The following C1QTNF3 variants were observed in gnomAD, a reference collection of about 807,000 sequenced individuals.
The protein encoded by C1QTNF3 is complement C1q tumor necrosis factor-related protein 3.
In C1QTNF3, 26 loss-of-function variants were observed where a neutral mutation model predicts 32.6. The ratio of observed to expected loss-of-function variants is 0.80; its 90% confidence interval spans 0.58 to 1.11. The LOEUF is 1.11. Ranked by LOEUF, C1QTNF3 falls within the 50% of genes least tolerant of loss-of-function variation. The pLI is 0.00. For missense variants in C1QTNF3, 362 were observed against 398.2 expected (o/e 0.91, Z 0.77); for synonymous variants, 155 against 146.0 (o/e 1.06, Z -0.44).
At chr5:34,239,628 C>CAACATGG in the C1QTNF3 span, among the ~76,000 whole-genome samples, 1 of 151,956 alleles carries the variant, frequency 6.6e-6, no homozygotes, top group Non-Finnish European at 1.5e-5. Context: ...ATGGAGCACC[C>CAACATGG]AGATTCATAA....
At chr5:34,076,979 G>C in the C1QTNF3 span, among the ~76,000 whole-genome samples, 1 of 151,670 alleles carries the variant, frequency 6.6e-6, no homozygotes, top group African/African-American at 2.4e-5. Context: ...CTTAAACAAG[G>C]GAAGGTGGCT....
chr5:34,189,054 CCCA>C, the C1QTNF3 span, among the ~76,000 whole-genome samples: 1 of 148,758 alleles, frequency 6.7e-6, no homozygotes, highest in Non-Finnish European at 1.5e-5. Flanking sequence ...CTCTCTCCTG[CCCA>C]CCATGTCTGA....
At chr5:34,147,420 T>C in the C1QTNF3 span, among the ~76,000 whole-genome samples, 1 of 152,190 alleles carries the variant, frequency 6.6e-6, no homozygotes, top group Non-Finnish European at 1.5e-5. Context: ...AGGTGCTCAT[T>C]AGTGGTGGTG....
chr5:34,035,699 G>A lies in C1QTNF3; in HGVS notation c.363C>T (p.Ser121=). 1 of 1,612,286 alleles carries A rather than the reference G, an allele frequency of 6.2e-7. No individual in the cohort carries two copies. The highest frequency in any genetic ancestry group is 8.5e-7 in the Non-Finnish European group (1 of 1,179,526). ...DCSKCCHGDY[S]FRGYQGPPGP... is the part of the protein sequence containing the mutation. ...CAGGGGGGCCTTGGTAGCCTCGAAAGCTGTAGTCTCCATGACAACACTTAC... is the reference window on the plus strand; with the variant it reads ...CAGGGGGGCCTTGGTAGCCTCGAAAACTGTAGTCTCCATGACAACACTTAC... Residue 121 remains serine (S), a synonymous_variant, in exon 2 of 6, where the codon AGC becomes AGT. Transcript: ENST00000382065.
chr5:34,020,823 C>T, intron 5 of C1QTNF3, 81 bp from the exon 6 acceptor site: 1 of 1,401,640 alleles, frequency 7.1e-7, no homozygotes, highest in Non-Finnish European at 9.9e-7. Context: ...CTCCCCTTCT[C>T]TCCTTCCCAC....
At chr5:34,209,857 T>G in the C1QTNF3 span, among the ~76,000 whole-genome samples, 1 of 152,108 alleles carries the variant, frequency 6.6e-6, no homozygotes, top group African/African-American at 2.4e-5. Flanking sequence ...TTTCCTAAAC[T>G]AACGATTTTA....
chr5:34,236,421 T>C, the C1QTNF3 span, among the ~76,000 whole-genome samples: 10 of 151,986 alleles, frequency 6.6e-5, no homozygotes, highest in Admixed American at 3.9e-4. Context: ...AAGAAGTGAC[T>C]CAACTGATTG....
At chr5:34,129,182 T>G in the C1QTNF3 span, among the ~76,000 whole-genome samples, 4 of 152,168 alleles carry the variant, frequency 2.6e-5, no homozygotes, top group Admixed American at 6.5e-5. Flanking sequence ...TTGCCATGAT[T>G]GTACATTTCC....
intron 1 of C1QTNF3, among the ~76,000 whole-genome samples, chr5:34,041,098 C>T (rs1005463211): frequency 3.9e-5 from 6 of 152,168 alleles, no homozygotes; most frequent in African/African-American, 2.4e-5. Flanking sequence ...AAGAAATACA[C>T]GGGAACTGAA....
chr5:34,239,765 T>C, the C1QTNF3 span, among the ~76,000 whole-genome samples: 1 of 152,002 alleles, frequency 6.6e-6, no homozygotes, highest in Non-Finnish European at 1.5e-5. Context: ...GTACTTAAAC[T>C]TCACACTTGA....
chr5:34,142,922 T>G, the C1QTNF3 span, among the ~76,000 whole-genome samples: 3 of 152,212 alleles, frequency 2.0e-5, no homozygotes, highest in African/African-American at 7.2e-5. Flanking sequence ...TGGTAATGGT[T>G]CTTAACCAGT....
At position 34,020,612 on chromosome 5, in the gene C1QTNF3, C is replaced by T; in HGVS notation, c.931G>A (p.Ala311Thr). The T allele has an allele frequency of 6.2e-7, 1 of 1,614,226 alleles. No homozygotes were observed. The highest frequency in any genetic ancestry group is 8.5e-7 in the Non-Finnish European group (1 of 1,180,034). ...HGDHQRFSTFAGFLLFETK is the reference protein window; with the variant it reads ...HGDHQRFSTFTGFLLFETK ...TTAGTTTCAAAGAGCAGGAATCCTG[C>T]AAAGGTGGAGAAGCGTTGGTGGTCC... The change falls in exon 6 of 6, where the codon GCA (alanine) becomes ACA (threonine). Residue 311 changes from alanine (A) to threonine (T), a missense_variant. Transcript: ENST00000382065.
the C1QTNF3 span, among the ~76,000 whole-genome samples, chr5:34,091,874 A>ATCT: frequency 6.6e-6 from 1 of 152,028 alleles, no homozygotes; most frequent in African/African-American, 2.4e-5. Flanking sequence ...TTGCATGATG[A>ATCT]GATCATCATT....
the C1QTNF3 span, among the ~76,000 whole-genome samples, chr5:34,056,324 T>C: frequency 5.0e-4 from 76 of 151,682 alleles, 1 homozygote; most frequent in Non-Finnish European, 7.4e-5. Flanking sequence ...CTCATGCTTG[T>C]GCATATTTTA....
the C1QTNF3 span, among the ~76,000 whole-genome samples, chr5:34,147,676 A>G: frequency 1.3e-5 from 2 of 152,070 alleles, no homozygotes; most frequent in African/African-American, 4.8e-5. Context: ...TGGGGTAGAA[A>G]AAAAGAGTGG....
the C1QTNF3 span, among the ~76,000 whole-genome samples, chr5:34,215,051 A>T: frequency 6.6e-6 from 1 of 152,224 alleles, no homozygotes; most frequent in East Asian, 1.9e-4. Flanking sequence ...TTGTTAAAAA[A>T]TGAATAATAG....
chr5:34,033,973 G>C (rs973912135), intron 2 of C1QTNF3, among the ~76,000 whole-genome samples: 5 of 152,202 alleles, frequency 3.3e-5, no homozygotes, highest in African/African-American at 1.2e-4. Flanking sequence ...ACAAGCTTGA[G>C]CAATATGGTG....
the C1QTNF3 span, among the ~76,000 whole-genome samples, chr5:34,056,668 A>G: frequency 6.6e-6 from 1 of 151,466 alleles, no homozygotes; most frequent in Non-Finnish European, 1.5e-5. Flanking sequence ...ATGTGCTATC[A>G]TGCCTGGCTA....
chr5:34,221,762 C>T, the C1QTNF3 span, among the ~76,000 whole-genome samples: 5 of 152,132 alleles, frequency 3.3e-5, no homozygotes, highest in South Asian at 6.2e-4. Flanking sequence ...AAAGACAATG[C>T]TTCAGTTTTG....
Sources: allele counts gnomAD v4.1 joint callset (sites outside exome capture counted in the v4.1 genomes callset), GRCh38; gene constraint gnomAD v4.1.1; transcripts MANE v1.5; gene names NCBI Gene and HGNC (gene_info 2026-07-23, HGNC 2026-07-21).